The following ATP11C variants were observed in gnomAD, a reference collection of about 807,000 sequenced individuals.
ATP11C encodes phospholipid-transporting ATPase IG.
A neutral mutation model predicts 97.4 loss-of-function variants in ATP11C; 36 were observed. The observed-to-expected ratio is 0.37, with a 90% CI of 0.28 to 0.49. The LOEUF (loss-of-function observed/expected upper bound fraction) is 0.49. Ranked by LOEUF, ATP11C falls within the 20% of genes least tolerant of loss-of-function variation. The pLI is 0.98. For synonymous variants in ATP11C, 275 were observed against 290.9 expected, an observed-to-expected ratio of 0.95 and a Z score of 0.56; for missense variants, 730 against 824.6, an observed-to-expected ratio of 0.89 and a Z score of 1.40.
At position 139,927,932 on chromosome X, in the gene ATP11C, C is replaced by A. The variant is rs894277579; in HGVS notation, c.27+4084G>T. Among the ~76,000 whole-genome samples the A allele has an allele frequency of 2.7e-5, 3 of 111,462 alleles. No individual in the cohort carries two copies. In the East Asian group the frequency reaches 8.5e-4, roughly 31 times the overall value. Reference sequence around the variant, plus strand: ...AGTAAAGGTTATTATTTATGGGATACATACAAAAGTTGTTCTTTCAAAAAA... The same window carrying A: ...AGTAAAGGTTATTATTTATGGGATAAATACAAAAGTTGTTCTTTCAAAAAA... On this transcript the variant is annotated intron_variant, in intron 1 of 29. Transcript: ENST00000682941.
intron 1 of ATP11C, among the ~76,000 whole-genome samples, chrX:139,898,887 TA>T (rs1457401341): frequency 9.0e-6 from 1 of 111,387 alleles, no homozygotes; most frequent in Non-Finnish European, 1.9e-5. Flanking sequence ...AACAGTAACT[TA>T]ACAGTGGAGG....
At chrX:139,835,177 A>T (rs2083728064) in intron 1 of ATP11C, among the ~76,000 whole-genome samples, 1 of 111,958 alleles carries the variant, frequency 8.9e-6, no homozygotes, top group Admixed American at 9.5e-5. Flanking sequence ...CTATCCATGT[A>T]TGCCAAAAAT....
chrX:139,774,804 G>A lies in ATP11C; in HGVS notation c.2102C>T (p.Thr701Ile). 1 of 1,211,447 alleles carries A rather than the reference G, an allele frequency of 8.3e-7. No homozygotes were observed. Among genetic ancestry groups the A allele is most frequent in the Non-Finnish European group, 1.1e-6 (1 of 895,364 alleles). Reference sequence around the variant, plus strand: ...TTCACTTTCTTCAATGGTTTTTGTGGTTAGTTCTAAGAGCTCAGTGTTGGT... The same window carrying A: ...TTCACTTTCTTCAATGGTTTTTGTGATTAGTTCTAAGAGCTCAGTGTTGGT... ...FQTNTELLEL[T>I]TKTIEESERK... Residue 701 changes from threonine to isoleucine, a missense_variant, in exon 19 of 30, where the codon ACC (threonine) becomes ATC (isoleucine). Coordinates refer to ENST00000682941, the MANE Select transcript of ATP11C (RefSeq NM_001353812.2).
intron 5 of ATP11C, 61 bp from the exon 6 acceptor site, chrX:139,804,660 T>A (rs1232207237): frequency 4.5e-5 from 43 of 959,542 alleles, no homozygotes; most frequent in Non-Finnish European, 6.0e-5. Flanking sequence ...ATTACACTCA[T>A]ACAAAAGTCA....
At chrX:139,869,454 T>C (rs2084334848) in intron 1 of ATP11C, among the ~76,000 whole-genome samples, 1 of 110,607 alleles carries the variant, frequency 9.0e-6, no homozygotes, top group Non-Finnish European at 1.9e-5. Flanking sequence ...CTGAAGTGTT[T>C]ATGAATAGAA....
At chrX:139,814,836 G>T (rs913381911) in intron 5 of ATP11C, 42 bp downstream of exon 5, 4 of 782,867 alleles carry the variant, frequency 5.1e-6, no homozygotes, top group East Asian at 6.7e-5. Context: ...TTAAAATGGT[G>T]TATTTTTACC....
At chrX:139,842,653 T>C (rs1055218844) in intron 1 of ATP11C, among the ~76,000 whole-genome samples, 1 of 112,324 alleles carries the variant, frequency 8.9e-6, no homozygotes, top group African/African-American at 3.2e-5. Flanking sequence ...GTTGCTGAAA[T>C]GTAGAGGCTG....
chrX:139,821,266 T>C, intron 2 of ATP11C, among the ~76,000 whole-genome samples: 1 of 112,023 alleles, frequency 8.9e-6, no homozygotes, highest in Admixed American at 9.4e-5. Flanking sequence ...GAATTGTGCA[T>C]GGATGTGCAT....
At chrX:139,738,788 A>C (rs2081496251) in intron 27 of ATP11C, among the ~76,000 whole-genome samples, 1 of 110,472 alleles carries the variant, frequency 9.1e-6, no homozygotes, top group Non-Finnish European at 1.9e-5. Context: ...GCTGAACCAC[A>C]GAGAGCCTCA....
intron 11 of ATP11C, among the ~76,000 whole-genome samples, chrX:139,796,917 G>T (rs1265646296): frequency 9.1e-6 from 1 of 109,325 alleles, no homozygotes; most frequent in Non-Finnish European, 1.9e-5. Context: ...TAAAGTAAAA[G>T]AAAAAAAACT....
chrX:139,904,343 C>T (rs1369963155), intron 1 of ATP11C, among the ~76,000 whole-genome samples: 1 of 109,791 alleles, frequency 9.1e-6, no homozygotes, highest in African/African-American at 3.3e-5. Flanking sequence ...GCCTGGCCAA[C>T]ATGGTGAAAC....
chrX:139,748,718 G>A (rs1282497655), intron 24 of ATP11C, among the ~76,000 whole-genome samples: 1 of 111,860 alleles, frequency 8.9e-6, no homozygotes, highest in Admixed American at 9.5e-5. Flanking sequence ...TAAACACCAT[G>A]AAGATGCAAT....
chrX:139,751,825 A>C (rs1369562570), intron 23 of ATP11C, among the ~76,000 whole-genome samples: 1 of 107,282 alleles, frequency 9.3e-6, no homozygotes. Flanking sequence ...AGTTTTGCTA[A>C]AGAAAGGGAA....
chrX:139,924,448 A>AAT (rs1211183688), intron 1 of ATP11C, among the ~76,000 whole-genome samples: 1 of 111,792 alleles, frequency 8.9e-6, no homozygotes, highest in Non-Finnish European at 1.9e-5. Flanking sequence ...AGTGTTTCAC[A>AAT]ATATTTGCGT....
chrX:139,752,442 AAACATCAACTCCTATGGAACCAT>A (rs1340389357), intron 23 of ATP11C, among the ~76,000 whole-genome samples: 1 of 111,946 alleles, frequency 8.9e-6, no homozygotes, highest in Non-Finnish European at 1.9e-5. Context: ...GGAAGGAGCC[AAACATCAACTCCTATGGAACCAT>A]AAGCAGTTAA....
At chrX:139,817,423 T>C (rs1003958197) in intron 3 of ATP11C, among the ~76,000 whole-genome samples, 1 of 112,262 alleles carries the variant, frequency 8.9e-6, no homozygotes, top group Non-Finnish European at 1.9e-5. Flanking sequence ...TATGCAGGTC[T>C]CTAGGAAATA....
chrX:139,866,982 A>G (rs746154789), intron 1 of ATP11C, among the ~76,000 whole-genome samples: 1 of 111,858 alleles, frequency 8.9e-6, no homozygotes, highest in East Asian at 2.8e-4. Flanking sequence ...GCTACTTGAG[A>G]GGCTGAGGTG....
At chrX:139,825,401 C>A (rs2083507670) in intron 2 of ATP11C, among the ~76,000 whole-genome samples, 1 of 111,629 alleles carries the variant, frequency 9.0e-6, no homozygotes, top group Non-Finnish European at 1.9e-5. Context: ...TACTACAGAC[C>A]ATTTAATTGG....
Position 139,898,987 on chromosome X carries a change from T to C in ATP11C, c.27+33029A>G, listed in dbSNP as rs373535157. On this transcript the variant is annotated intron_variant, in intron 1 of 29. Transcript: ENST00000682941. ...GTTAACATTTACCTTTGATATGATATGAAATGGCACTTCATCTCTCGTCTT... is the reference window on the plus strand; with the variant it reads ...GTTAACATTTACCTTTGATATGATACGAAATGGCACTTCATCTCTCGTCTT... 8.1e-5 allele frequency among the ~76,000 whole-genome samples: 9 copies of C among 111,733 alleles called. No individual in the cohort carries two copies. The South Asian group carries it at 3.0e-3, about 38-fold the overall frequency.
Sources: gnomAD v4.1 joint callset for allele counts (sites outside exome capture counted in the v4.1 genomes callset) on GRCh38, gnomAD v4.1.1 for gene constraint, MANE v1.5 for transcripts, NCBI Gene and HGNC (gene_info 2026-07-23, HGNC 2026-07-21) for gene names.